Variants in PRKCE observed in about 807,000 individuals in gnomAD.
PRKCE encodes protein kinase C epsilon, also known as protein kinase C epsilon type.
A neutral mutation model predicts 85.4 loss-of-function variants in PRKCE; 16 were observed. That is an observed-to-expected ratio of 0.19 (90% confidence interval 0.13 to 0.28). The LOEUF is 0.28. PRKCE is among the 10% of genes least tolerant of loss of function. The pLI is 1.00. For synonymous variants in PRKCE, 388 were observed against 371.5 expected, an observed-to-expected ratio of 1.04 and a Z score of -0.51; for missense variants, 573 against 975.2, an observed-to-expected ratio of 0.59 and a Z score of 5.49.
intron 11 of PRKCE, among the ~76,000 whole-genome samples, chr2:46,135,542 C>G (rs1674885484): frequency 6.6e-6 from 1 of 152,100 alleles, no homozygotes; most frequent in South Asian, 2.1e-4. Context: ...AGATTTAACA[C>G]TGAGCTTGGG....
At position 45,652,497 on chromosome 2, in the gene PRKCE, C is replaced by G. The variant is rs1311987653; in HGVS notation, c.348+49C>G. On this transcript the variant is annotated intron_variant, in intron 1 of 14. Transcript: ENST00000306156. This position sits in a 1 kb window ranked among gnomAD's most constrained non-coding sequence, Gnocchi z 7.7. ...TTCCGGGAACCCGGTTGTGGGGTCC[C>G]GGGGAAAGACTCGCTGGTCTTGATC... 2 of 1,489,018 alleles carry G rather than the reference C, an allele frequency of 1.3e-6. No homozygotes were observed. The highest frequency in any genetic ancestry group is 4.7e-5 in the East Asian group (2 of 42,606). The allele number at this position is 1,489,018 out of a possible 1,614,324, so 92.2% of individuals were successfully genotyped here.
At chr2:45,715,224 C>T (rs7606454) in intron 1 of PRKCE, among the ~76,000 whole-genome samples, 15,049 of 152,272 alleles carry the variant, frequency 0.099, 898 homozygotes, top group East Asian at 0.16. Flanking sequence ...GTGCCCACCA[C>T]GAGATGCTCC....
At chr2:45,925,542 C>T (rs560827124) in intron 2 of PRKCE, among the ~76,000 whole-genome samples, 13 of 152,118 alleles carry the variant, frequency 8.5e-5, no homozygotes, top group Admixed American at 2.6e-4. Flanking sequence ...GTGATCCACC[C>T]GCCTCGGCCT....
At chr2:45,670,131 A>T (rs572901951) in intron 1 of PRKCE, among the ~76,000 whole-genome samples, 1 of 152,336 alleles carries the variant, frequency 6.6e-6, no homozygotes, top group East Asian at 1.9e-4. Flanking sequence ...CTAGCTGAAG[A>T]GGTGGCTCTA....
chr2:46,000,605 A>G lies in PRKCE; in HGVS notation c.824-799A>G, dbSNP rs117286733. ...CCAACCCCCACACTGAAATCCTGAGATTTTCTCCATATTTACTATGAGAAT... is the reference window on the plus strand; with the variant it reads ...CCAACCCCCACACTGAAATCCTGAGGTTTTCTCCATATTTACTATGAGAAT... On this transcript the variant is annotated intron_variant, in intron 6 of 14. Transcript: ENST00000306156. 4.4e-3 allele frequency among the ~76,000 whole-genome samples: 666 copies of G among 151,622 alleles called. 41 individuals carry two copies. In the East Asian group the frequency reaches 0.11, roughly 26 times the overall value.
At chr2:45,943,256 T>A (rs985257672) in intron 2 of PRKCE, among the ~76,000 whole-genome samples, 1 of 152,248 alleles carries the variant, frequency 6.6e-6, no homozygotes, top group Non-Finnish European at 1.5e-5. Flanking sequence ...CATTTATTCC[T>A]TTATTTAAAA....
intron 11 of PRKCE, among the ~76,000 whole-genome samples, chr2:46,098,915 T>C (rs1163570283): frequency 6.6e-6 from 1 of 152,118 alleles, no homozygotes; most frequent in Non-Finnish European, 1.5e-5. Flanking sequence ...TCAAGATGAC[T>C]CAGGCTGGAG....
intron 1 of PRKCE, among the ~76,000 whole-genome samples, chr2:45,832,985 G>T (rs1690559795): frequency 6.6e-6 from 1 of 152,052 alleles, no homozygotes; most frequent in East Asian, 1.9e-4. Flanking sequence ...CAGAAAGATG[G>T]AAACAAATGA....
intron 2 of PRKCE, among the ~76,000 whole-genome samples, chr2:45,880,597 G>T (rs1694807280): frequency 6.6e-6 from 1 of 151,628 alleles, no homozygotes; most frequent in Non-Finnish European, 1.5e-5. Flanking sequence ...AAGACAGTCT[G>T]TTTACTCCCT....
chr2:45,842,907 T>C, intron 1 of PRKCE, 93 bp from the exon 2 acceptor site: 1 of 1,158,380 alleles, frequency 8.6e-7, no homozygotes, highest in Non-Finnish European at 1.3e-6. Context: ...GCTGTGTCTC[T>C]AGGTTTTAGC....
intron 11 of PRKCE, among the ~76,000 whole-genome samples, chr2:46,141,478 C>T (rs187042286): frequency 2.9e-4 from 44 of 152,164 alleles, no homozygotes; most frequent in African/African-American, 8.7e-4. Context: ...AAAAAGAAAT[C>T]GCCTGTAGAG....
rs989543500 is a variant in PRKCE at position 45,677,512 on chromosome 2, G to A, written c.348+25064G>A. 1.3e-4 allele frequency among the ~76,000 whole-genome samples: 19 copies of A among 151,948 alleles called. 1 individual carries two copies. Among genetic ancestry groups the A allele is most frequent in the South Asian group, 4.2e-4 (2 of 4,816 alleles). ...GCTGGGACTACAGGCGCCCGCCACC[G>A]CGCCCGGCTAATTTTTTGTATTTTT... On this transcript the variant is annotated intron_variant, in intron 1 of 14. Coordinates refer to ENST00000306156, the MANE Select transcript of PRKCE (RefSeq NM_005400.3).
Position 45,717,787 on chromosome 2 carries a change from G to C in PRKCE, c.348+65339G>C, listed in dbSNP as rs537406856. ...ACCGGTCATTAATCTTTGAGCAAAT[G>C]AGAGTCAAACTGCATAATTGGCCTC... On this transcript the variant is annotated intron_variant, in intron 1 of 14. Coordinates refer to ENST00000306156, the MANE Select transcript of PRKCE (RefSeq NM_005400.3). Among the ~76,000 whole-genome samples, 31 of 152,338 alleles carry C rather than the reference G, an allele frequency of 2.0e-4. No individual in the cohort carries two copies. In the South Asian group the frequency reaches 3.5e-3, roughly 17 times the overall value.
chr2:45,788,454 G>C (rs900310144), intron 1 of PRKCE, among the ~76,000 whole-genome samples: 2 of 152,090 alleles, frequency 1.3e-5, no homozygotes, highest in Non-Finnish European at 2.9e-5. Flanking sequence ...GTGTTTTTAC[G>C]TGCAGTGTCT....
At chr2:45,739,737 G>A (rs1330561427) in intron 1 of PRKCE, among the ~76,000 whole-genome samples, 1 of 152,132 alleles carries the variant, frequency 6.6e-6, no homozygotes. Flanking sequence ...GGAATTTTTT[G>A]AGGCATGAAC....
At chr2:45,756,587 C>G (rs938593839) in intron 1 of PRKCE, among the ~76,000 whole-genome samples, 6 of 152,104 alleles carry the variant, frequency 3.9e-5, no homozygotes, top group Non-Finnish European at 7.3e-5. Flanking sequence ...GGAAACAACC[C>G]AATCTTTCAT....
At chr2:46,092,099 A>G (rs190460425) in intron 11 of PRKCE, among the ~76,000 whole-genome samples, 1 of 152,346 alleles carries the variant, frequency 6.6e-6, no homozygotes, top group African/African-American at 2.4e-5. Flanking sequence ...CCTCTTTGTG[A>G]CTGGTCTCCA....
intron 1 of PRKCE, among the ~76,000 whole-genome samples, chr2:45,757,655 A>T (rs1254196297): frequency 6.6e-6 from 1 of 152,132 alleles, no homozygotes; most frequent in Non-Finnish European, 1.5e-5. Flanking sequence ...GACAGAGCAA[A>T]ATCCTGTCTC....
At position 46,136,000 on chromosome 2, in the gene PRKCE, C is replaced by G. The variant is rs193196856; in HGVS notation, c.1593-9093C>G. On this transcript the variant is annotated intron_variant, in intron 11 of 14. Transcript: ENST00000306156. ...TGCTGGTACCATCTGCCAGAAGAAC[C>G]AATATTCCCATCTGATTGACCACAG... Among the ~76,000 whole-genome samples, 268 of 151,996 alleles carry G rather than the reference C, an allele frequency of 1.8e-3. 1 individual carries two copies. Among genetic ancestry groups the G allele is most frequent in the African/African-American group, 6.0e-3 (248 of 41,454 alleles).
Sources: allele counts gnomAD v4.1 joint callset (sites outside exome capture counted in the v4.1 genomes callset), GRCh38; gene constraint gnomAD v4.1.1; non-coding constraint Gnocchi (gnomAD v3.1); transcripts MANE v1.5; gene names NCBI Gene and HGNC (gene_info 2026-07-23, HGNC 2026-07-21).